Variants in KIAA1217 observed in about 807,000 individuals in gnomAD.
KIAA1217 encodes the protein KIAA1217, also known as sickle tail protein homolog.
A neutral mutation model predicts 163.9 loss-of-function variants in KIAA1217; 88 were observed. The ratio of observed to expected loss-of-function variants is 0.54; its 90% CI spans 0.45 to 0.64. The LOEUF (loss-of-function observed/expected upper bound fraction) is 0.64. KIAA1217 is among the 30% of genes least tolerant of loss of function. KIAA1217 has a pLI of 0.00. For synonymous variants in KIAA1217, 903 were observed against 923.1 expected, an observed-to-expected ratio of 0.98 and a Z score of 0.39; for missense variants, 2,372 against 2,475.0, an observed-to-expected ratio of 0.96 and a Z score of 0.88.
At chr10:24,216,111 G>C (rs1050050641) in intron 1 of KIAA1217, among the ~76,000 whole-genome samples, 1 of 152,100 alleles carries the variant, frequency 6.6e-6, no homozygotes, top group East Asian at 1.9e-4. Flanking sequence ...AAAAAACAGG[G>C]GTCTGATGAG....
chr10:23,889,302 T>C (rs1841322811), intron 1 of KIAA1217, among the ~76,000 whole-genome samples: 1 of 151,876 alleles, frequency 6.6e-6, no homozygotes, highest in Non-Finnish European at 1.5e-5. Context: ...TAGCTCTTCA[T>C]CCGTGGTTGG....
At chr10:23,982,195 T>A (rs1334740849) in intron 1 of KIAA1217, among the ~76,000 whole-genome samples, 1 of 152,098 alleles carries the variant, frequency 6.6e-6, no homozygotes, top group Non-Finnish European at 1.5e-5. Context: ...CATAATCCAA[T>A]GAATCTTATG....
rs372909784 is a variant in KIAA1217, at chr10:24,543,576, G to A, written c.4306G>A (p.Val1436Met). ...QEGTDNEDPV[V>M]CLDKKPVIII... ...AGGGACTGACAATGAGGATCCAGTC[G>A]TGTGCCTGGACAAGAAACCAGTGAT... The change falls in exon 19 of 21, where the codon GTG becomes ATG. Residue 1436 changes from valine (V) to methionine (M), a missense_variant. Val to Met is a conservative substitution (Grantham distance 21). Transcript: ENST00000376454. 26 of 1,614,018 alleles carry A rather than the reference G, an allele frequency of 1.6e-5. No individual in the cohort carries two copies. Among genetic ancestry groups the A allele is most frequent in the South Asian group, 4.4e-5 (4 of 91,056 alleles).
At chr10:24,394,561 T>C (rs996276003) in intron 3 of KIAA1217, among the ~76,000 whole-genome samples, 1 of 152,200 alleles carries the variant, frequency 6.6e-6, no homozygotes, top group Non-Finnish European at 1.5e-5. Flanking sequence ...ATCTGGTTCT[T>C]GTATTTAAGG....
chr10:24,381,270 G>T (rs1481536336), intron 3 of KIAA1217, among the ~76,000 whole-genome samples: 1 of 152,112 alleles, frequency 6.6e-6, no homozygotes, highest in African/African-American at 2.4e-5. Context: ...TGATTTTGAG[G>T]CTGGGCACTT....
chr10:24,520,006 G>GT (rs953965369), intron 10 of KIAA1217, 117 bp from the exon 11 acceptor site: 3 of 1,158,048 alleles, frequency 2.6e-6, no homozygotes, highest in African/African-American at 1.6e-5. Context: ...ACGAAAGGCA[G>GT]GGGGGAGGAG....
chr10:23,895,385 T>C lies in KIAA1217; in HGVS notation c.-320-111840T>C, dbSNP rs1278364208. Reference sequence around the variant, plus strand: ...ACATTTATGCAGCTAAAAAAACACATGAAAAAATGCTCACCATCACTGGCC... The same window carrying C: ...ACATTTATGCAGCTAAAAAAACACACGAAAAAATGCTCACCATCACTGGCC... On this transcript the variant is annotated intron_variant, in intron 1 of 18. Coordinates refer to the KIAA1217 transcript ENST00000376462. Among the ~76,000 whole-genome samples, 4 of 152,024 alleles carry C rather than the reference T, an allele frequency of 2.6e-5. No homozygotes were observed. In the East Asian group the frequency reaches 5.8e-4, roughly 22 times the overall value.
At chr10:24,317,195 A>G (rs2043501930) in intron 2 of KIAA1217, among the ~76,000 whole-genome samples, 1 of 152,220 alleles carries the variant, frequency 6.6e-6, no homozygotes, top group Non-Finnish European at 1.5e-5. Context: ...TGTTCAATGT[A>G]TACCTAATAT....
intron 1 of KIAA1217, among the ~76,000 whole-genome samples, chr10:23,960,462 G>C (rs1844775277): frequency 6.6e-6 from 1 of 151,410 alleles, no homozygotes; most frequent in Admixed American, 6.6e-5. Flanking sequence ...TCTCCATGTT[G>C]GTCAGGCTGG....
chr10:24,301,823 T>C (rs1344404298), intron 2 of KIAA1217, among the ~76,000 whole-genome samples: 1 of 152,172 alleles, frequency 6.6e-6, no homozygotes, highest in Non-Finnish European at 1.5e-5. Context: ...GGCAGGCAGA[T>C]CACCTGAGGT....
chr10:24,114,205 T>C (rs530190819), intron 2 of KIAA1217, among the ~76,000 whole-genome samples: 1 of 152,296 alleles, frequency 6.6e-6, no homozygotes, highest in Admixed American at 6.5e-5. Flanking sequence ...CTGTCCAGGC[T>C]CTGCGGTGAA....
At chr10:23,937,410 A>C (rs767155324) in intron 1 of KIAA1217, among the ~76,000 whole-genome samples, 1 of 152,142 alleles carries the variant, frequency 6.6e-6, no homozygotes, top group Non-Finnish European at 1.5e-5. Context: ...TCCTAGAACC[A>C]AGGCTCCAAA....
chr10:23,918,514 G>A (rs1451003274), intron 1 of KIAA1217, among the ~76,000 whole-genome samples: 1 of 152,096 alleles, frequency 6.6e-6, no homozygotes, highest in African/African-American at 2.4e-5. Flanking sequence ...GGTCACAGCT[G>A]AGACCCCTTG....
intron 2 of KIAA1217, among the ~76,000 whole-genome samples, chr10:24,027,527 G>A (rs975970378): frequency 1.3e-5 from 2 of 152,062 alleles, no homozygotes; most frequent in African/African-American, 4.8e-5. Context: ...ACTTTAAAAT[G>A]ATGCCATTTA....
chr10:24,079,117 C>A (rs1273061117), intron 2 of KIAA1217, among the ~76,000 whole-genome samples: 1 of 152,218 alleles, frequency 6.6e-6, no homozygotes, highest in Non-Finnish European at 1.5e-5. Context: ...TGTTAACGCA[C>A]TTCACCCTCC....
At chr10:23,950,518 C>G (rs370934234) in intron 1 of KIAA1217, among the ~76,000 whole-genome samples, 2 of 151,504 alleles carry the variant, frequency 1.3e-5, no homozygotes, top group South Asian at 4.2e-4. Flanking sequence ...GTATTGAGCA[C>G]GAAAATTGGG....
At chr10:24,036,090 G>A (rs1416744076) in intron 2 of KIAA1217, among the ~76,000 whole-genome samples, 1 of 152,200 alleles carries the variant, frequency 6.6e-6, no homozygotes, top group Non-Finnish European at 1.5e-5. Flanking sequence ...CCAGCCCCAG[G>A]GAGGAGATCC....
At chr10:24,003,479 T>C (rs4611099) in intron 1 of KIAA1217, among the ~76,000 whole-genome samples, 94,464 of 152,012 alleles carry the variant, frequency 0.62, 29,698 homozygotes, top group Middle Eastern at 0.77. Context: ...TGTCTGTTCA[T>C]GTCCTTCAAA....
intron 2 of KIAA1217, among the ~76,000 whole-genome samples, chr10:24,278,648 GA>G (rs2077563569): frequency 6.6e-6 from 1 of 152,128 alleles, no homozygotes; most frequent in Non-Finnish European, 1.5e-5. Context: ...CAGAAGGAAT[GA>G]AAGAGATGAG....
Sources: gnomAD v4.1 joint callset for allele counts (sites outside exome capture counted in the v4.1 genomes callset) on GRCh38, gnomAD v4.1.1 for gene constraint, MANE v1.5 for transcripts, NCBI Gene and HGNC (gene_info 2026-07-23, HGNC 2026-07-21) for gene names.